Variants in HERC3 observed in about 807,000 individuals in gnomAD.
HERC3 encodes the protein probable E3 ubiquitin-protein ligase HERC3.
In HERC3, 58 loss-of-function variants were observed where a neutral mutation model predicts 129.9. That is an observed-to-expected ratio of 0.45 (90% CI 0.36 to 0.56). The LOEUF (loss-of-function observed/expected upper bound fraction) is 0.56. Among genes scored for constraint, HERC3 ranks in the 20% least tolerant of loss-of-function variants. HERC3 has a pLI of 0.00. For missense variants in HERC3, 835 were observed against 1,244.2 expected (o/e 0.67, Z 4.95); for synonymous variants, 430 against 451.0 (o/e 0.95, Z 0.59).
intron 3 of HERC3, among the ~76,000 whole-genome samples, chr4:88,643,729 A>G (rs1479492379): frequency 6.6e-6 from 1 of 152,234 alleles, no homozygotes; most frequent in Non-Finnish European, 1.5e-5. Flanking sequence ...ACAGCTTTTT[A>G]AAACAATTAA....
Position 88,670,203 on chromosome 4 carries a change from T to C in HERC3, c.1862T>C (p.Val621Ala). Reference protein sequence around the residue: ...TFYIPEISNLVDIQEDYLMWF... With the variant: ...TFYIPEISNLADIQEDYLMWF... ...TACATTCCTGAGATTTCCAATCTCG[T>C]GGACATTCAGGAAGACTACCTCATG... is the stretch of plus-strand genomic sequence containing the variant. The change falls in exon 16 of 26, where the codon GTG (valine) becomes GCG (alanine). Residue 621 changes from valine to alanine, a missense_variant. Physicochemically the swap from Val to Ala is moderately conservative, Grantham distance 64. Transcript: ENST00000402738. 1 of 1,613,700 alleles carries C rather than the reference T, an allele frequency of 6.2e-7. No individual in the cohort carries two copies. Among genetic ancestry groups the C allele is most frequent in the Non-Finnish European group, 8.5e-7 (1 of 1,179,624 alleles).
At chr4:88,655,062 A>T in intron 7 of HERC3, 112 bp from the exon 8 acceptor site, 1 of 1,017,272 alleles carries the variant, frequency 9.8e-7, no homozygotes, top group Non-Finnish European at 1.4e-6. Flanking sequence ...GCCAAGTGTC[A>T]AGTGAATGTA....
chr4:88,614,702 G>GT (rs1176351712), intron 3 of HERC3, among the ~76,000 whole-genome samples: 7 of 151,996 alleles, frequency 4.6e-5, no homozygotes, highest in African/African-American at 1.2e-4. Flanking sequence ...CTTGTTCTTT[G>GT]TTTTTTTATT....
chr4:88,578,783 G>C, the HERC3 span, among the ~76,000 whole-genome samples: 6 of 152,060 alleles, frequency 3.9e-5, no homozygotes, highest in African/African-American at 1.4e-4. Flanking sequence ...CAGTTTTATA[G>C]ACAAGAAAAC....
At chr4:88,588,001 A>C (rs1371948916), upstream of HERC3, among the ~76,000 whole-genome samples, 1 of 152,258 alleles carries the variant, frequency 6.6e-6, no homozygotes, top group Non-Finnish European at 1.5e-5. Flanking sequence ...ATCTTCAGAG[A>C]CCAGCTAATG....
intron 7 of HERC3, among the ~76,000 whole-genome samples, chr4:88,654,557 G>A (rs1460736994): frequency 1.4e-5 from 2 of 147,578 alleles, no homozygotes; most frequent in East Asian, 3.9e-4. Context: ...GTTATTTTAT[G>A]TATATATAAT....
At chr4:88,606,530 T>G (rs1349586527) in intron 3 of HERC3, among the ~76,000 whole-genome samples, 1 of 152,198 alleles carries the variant, frequency 6.6e-6, no homozygotes, top group Non-Finnish European at 1.5e-5. Context: ...TTAGTCGGTT[T>G]TCACACTGCT....
chr4:88,529,578 A>G, the HERC3 span, among the ~76,000 whole-genome samples: 36 of 151,822 alleles, frequency 2.4e-4, no homozygotes, highest in African/African-American at 7.3e-4. Flanking sequence ...AGATGGTGAA[A>G]CCCCGTCTCT....
chr4:88,638,306 C>T (rs1257666736), intron 3 of HERC3, among the ~76,000 whole-genome samples: 1 of 152,138 alleles, frequency 6.6e-6, no homozygotes, highest in Admixed American at 6.5e-5. Flanking sequence ...AAATTTCAGG[C>T]CAATATCCTT....
At chr4:88,581,731 C>T in the HERC3 span, among the ~76,000 whole-genome samples, 1 of 152,156 alleles carries the variant, frequency 6.6e-6, no homozygotes, top group African/African-American at 2.4e-5. Context: ...GGATTACAGG[C>T]ATGAGCCACT....
intron 21 of HERC3, 71 bp downstream of exon 21, chr4:88,681,396 A>G (rs916379313): frequency 7.7e-7 from 1 of 1,306,444 alleles, no homozygotes; most frequent in African/African-American, 1.5e-5. Context: ...TAAAGGTTGA[A>G]AATACCATCT....
At chr4:88,630,595 C>A (rs1726638331) in intron 3 of HERC3, among the ~76,000 whole-genome samples, 1 of 152,196 alleles carries the variant, frequency 6.6e-6, no homozygotes, top group African/African-American at 2.4e-5. Flanking sequence ...AAGGATAAAG[C>A]ATTCATGATA....
In HERC3 at chr4:88,692,232, C is replaced by T. The variant is rs550095595; in HGVS notation, c.2657+4933C>T. Among the ~76,000 whole-genome samples the T allele has an allele frequency of 2.6e-5, 4 of 151,542 alleles. No individual in the cohort carries two copies. The South Asian group carries it at 8.3e-4, about 32-fold the overall frequency. ...GGTGTTAATTACCATTAGTGAAAAA[C>T]CCATATGTCATTCTAGATTCCCTAA... On this transcript the variant is annotated intron_variant, in intron 23 of 25. Coordinates refer to ENST00000402738, the MANE Select transcript of HERC3 (RefSeq NM_014606.3).
intron 2 of HERC3, among the ~76,000 whole-genome samples, chr4:88,601,413 A>T (rs1261806104): frequency 2.0e-5 from 3 of 152,232 alleles, no homozygotes; most frequent in African/African-American, 7.2e-5. Flanking sequence ...CCATTTGGGC[A>T]TGCTTTTATC....
Position 88,704,254 on chromosome 4 carries a change from C to T in HERC3, c.2814C>T (p.Ser938=). The T allele has an allele frequency of 6.2e-7, 1 of 1,614,002 alleles. No individual in the cohort carries two copies. Among genetic ancestry groups the T allele is most frequent in the Non-Finnish European group, 8.5e-7 (1 of 1,179,986 alleles). Residue 938 remains serine, a synonymous_variant, in exon 24 of 26, where the codon AGC becomes AGT. Transcript: ENST00000402738. ...TGAGGGCTATGATGGTGGGGAACAG[C>T]AACTACAACTGGGAAGAACTGGAAG... is the stretch of plus-strand genomic sequence containing the variant. The part of the protein sequence containing the change: ...SELRAMMVGN[S]NYNWEELEET...
chr4:88,570,905 C>A, the HERC3 span, among the ~76,000 whole-genome samples: 1 of 151,730 alleles, frequency 6.6e-6, no homozygotes, highest in African/African-American at 2.4e-5. Context: ...AGGCGCCCAC[C>A]ACCACCCCCA....
the HERC3 span, among the ~76,000 whole-genome samples, chr4:88,573,758 C>T: frequency 6.6e-6 from 1 of 152,130 alleles, no homozygotes; most frequent in Non-Finnish European, 1.5e-5. Flanking sequence ...GACAGCCTTT[C>T]CTAGCTGTCA....
the HERC3 span, among the ~76,000 whole-genome samples, chr4:88,547,444 A>T: frequency 6.6e-6 from 1 of 152,094 alleles, no homozygotes; most frequent in Non-Finnish European, 1.5e-5. Context: ...TATCACTAAG[A>T]CTCATTTTGG....
chr4:88,707,008 T>A lies in HERC3; in HGVS notation c.*48T>A, dbSNP rs763075838. The A allele has an allele frequency of 3.6e-6, 5 of 1,398,270 alleles. No homozygotes were observed. In the Middle Eastern group the frequency reaches 7.1e-4, roughly 199 times the overall value. The allele number at this position is 1,398,270 out of a possible 1,614,324, so 86.6% of individuals were successfully genotyped here. On this transcript the variant is annotated 3_prime_UTR_variant, in exon 26 of 26. Transcript: ENST00000402738. ...TTCCCTTCGTTCCTCAGTGTCCACA[T>A]TGAGGCCTATACAGAAAATCATGGG...
Sources: gnomAD v4.1 joint callset for allele counts (sites outside exome capture counted in the v4.1 genomes callset) on GRCh38, gnomAD v4.1.1 for gene constraint, MANE v1.5 for transcripts, NCBI Gene and HGNC (gene_info 2026-07-23, HGNC 2026-07-21) for gene names.